The following DLC1 variants were observed in gnomAD, a reference collection of about 807,000 sequenced individuals.
DLC1 encodes rho GTPase-activating protein 7.
A neutral mutation model predicts 140.3 loss-of-function variants in DLC1; 54 were observed. The ratio of observed to expected loss-of-function variants is 0.38; its 90% CI spans 0.31 to 0.48. The LOEUF (loss-of-function observed/expected upper bound fraction) is 0.48, where lower values mean the gene tolerates loss of function less well. Among genes scored for constraint, DLC1 ranks in the 20% least tolerant of loss-of-function variants. DLC1 has a pLI of 0.96. For missense variants in DLC1, 2,536 were observed against 1,907.0 expected (o/e 1.33, Z -6.14); for synonymous variants, 986 against 728.1 (o/e 1.35, Z -5.70).
At chr8:13,461,205 G>T (rs1444234169) in intron 2 of DLC1, among the ~76,000 whole-genome samples, 1 of 152,230 alleles carries the variant, frequency 6.6e-6, no homozygotes, top group Non-Finnish European at 1.5e-5. Flanking sequence ...GCAAGAGCCT[G>T]TCTCAACAGC....
rs576399807 is a variant in DLC1, at chr8:13,469,785, A to G, written c.1023+29264T>C. Among the ~76,000 whole-genome samples the G allele has an allele frequency of 3.3e-5, 5 of 152,322 alleles. No homozygotes were observed. In the South Asian group the frequency reaches 1.0e-3, roughly 32 times the overall value. ...GTTGTTACAATGCCTTTCTAGAAAA[A>G]CATATTGTTTTGCTGAAAGTCTATG... On this transcript the variant is annotated intron_variant, in intron 2 of 17. Coordinates refer to ENST00000276297, the MANE Select transcript of DLC1 (RefSeq NM_182643.3).
intron 2 of DLC1, among the ~76,000 whole-genome samples, chr8:13,492,586 A>T (rs1170837066): frequency 6.6e-6 from 1 of 151,246 alleles, no homozygotes; most frequent in Non-Finnish European, 1.5e-5. Flanking sequence ...ACGTCATTCA[A>T]ACAGAAGCCC....
chr8:13,217,172 T>TA (rs1220572319), intron 5 of DLC1, among the ~76,000 whole-genome samples: 1 of 152,226 alleles, frequency 6.6e-6, no homozygotes. Flanking sequence ...TCAGTTCTCT[T>TA]ACTATTTGTA....
intron 4 of DLC1, among the ~76,000 whole-genome samples, chr8:13,343,135 C>G (rs1387064261): frequency 1.3e-5 from 2 of 152,162 alleles, no homozygotes; most frequent in East Asian, 3.9e-4. Flanking sequence ...TCTATAATTT[C>G]TTTGGCTTGG....
intron 5 of DLC1, among the ~76,000 whole-genome samples, chr8:13,218,156 A>G (rs969900172): frequency 2.6e-5 from 4 of 152,206 alleles, no homozygotes; most frequent in African/African-American, 9.7e-5. Context: ...AGTCTCTTCA[A>G]CAAATGGTGC....
intron 5 of DLC1, among the ~76,000 whole-genome samples, chr8:13,280,600 T>A (rs1224917031): frequency 2.0e-5 from 3 of 152,178 alleles, no homozygotes; most frequent in African/African-American, 7.2e-5. Flanking sequence ...GCAAACAAAA[T>A]TTTTAATTTT....
chr8:13,550,385 AT>A (rs1233243232), intron 1 of DLC1, among the ~76,000 whole-genome samples: 2 of 152,080 alleles, frequency 1.3e-5, no homozygotes, highest in African/African-American at 2.4e-5. Context: ...CTGTAAGTCA[AT>A]TGTACTTCTC....
rs193092408 is a variant in DLC1 at position 13,343,923 on chromosome 8, T to G, written c.1315-38621A>C. 2.6e-5 allele frequency among the ~76,000 whole-genome samples: 4 copies of G among 152,256 alleles called. No individual in the cohort carries two copies. The East Asian group carries it at 7.7e-4, about 29-fold the overall frequency. ...TTTAGGGACCCAAATTTGAAATACT[T>G]AGTTGCTTAAGTTTCCAGAATCAAG... is the stretch of plus-strand genomic sequence containing the variant. On this transcript the variant is annotated intron_variant, in intron 4 of 17. Coordinates refer to ENST00000276297, the MANE Select transcript of DLC1 (RefSeq NM_182643.3).
intron 4 of DLC1, among the ~76,000 whole-genome samples, chr8:13,389,611 T>C (rs1463261867): frequency 7.2e-6 from 1 of 138,322 alleles, no homozygotes; most frequent in Non-Finnish European, 1.6e-5. Flanking sequence ...TACTGCTTAA[T>C]TTTCAGCATG....
chr8:13,387,748 A>C (rs940053722), intron 4 of DLC1, among the ~76,000 whole-genome samples: 1 of 152,118 alleles, frequency 6.6e-6, no homozygotes, highest in African/African-American at 2.4e-5. Context: ...ACATATACCT[A>C]AAGTATAGCC....
chr8:13,176,554 G>A (rs1351308868), intron 5 of DLC1, among the ~76,000 whole-genome samples: 1 of 152,110 alleles, frequency 6.6e-6, no homozygotes, highest in African/African-American at 2.4e-5. Context: ...ACTCCAGCCT[G>A]GGCGACAGAG....
rs543854373 is a variant in DLC1 at position 13,323,906 on chromosome 8, C to T, written c.1315-18604G>A. ...AGAGTGAGAATTTGGAAAGATGCTCCAGCAAGGAGTTAGTGTAAATCAATT... is the reference window on the plus strand; with the variant it reads ...AGAGTGAGAATTTGGAAAGATGCTCTAGCAAGGAGTTAGTGTAAATCAATT... On this transcript the variant is annotated intron_variant, in intron 4 of 17. Coordinates refer to ENST00000276297, the MANE Select transcript of DLC1 (RefSeq NM_182643.3). 1.3e-3 allele frequency among the ~76,000 whole-genome samples: 204 copies of T among 152,264 alleles called. 2 individuals are homozygous for T. The highest frequency in any genetic ancestry group is 4.8e-3 in the African/African-American group (200 of 41,560).
chr8:13,370,639 G>A (rs995664619), intron 4 of DLC1, among the ~76,000 whole-genome samples: 8 of 152,230 alleles, frequency 5.3e-5, no homozygotes, highest in Non-Finnish European at 4.4e-5. Flanking sequence ...GGCTTCAGGT[G>A]TGGCTGAAAT....
chr8:13,521,450 C>T (rs1802764799), intron 1 of DLC1, among the ~76,000 whole-genome samples: 2 of 152,040 alleles, frequency 1.3e-5, no homozygotes, highest in South Asian at 4.1e-4. Flanking sequence ...GCTTAGAGCC[C>T]ACAGTCTTCA....
Position 13,095,051 on chromosome 8 carries a change from C to T in DLC1, c.3327+35G>A, listed in dbSNP as rs372691679. On this transcript the variant is annotated intron_variant, in intron 11 of 17. Coordinates refer to ENST00000276297, the MANE Select transcript of DLC1 (RefSeq NM_182643.3). ...AAGAAGCTGCATGTAATCCGAGCTCCCCTGAGTACGTGGACCCGCAGGCAG... is the reference window on the plus strand; with the variant it reads ...AAGAAGCTGCATGTAATCCGAGCTCTCCTGAGTACGTGGACCCGCAGGCAG... 15 of 1,613,612 alleles carry T rather than the reference C, an allele frequency of 9.3e-6. No homozygotes were observed. In the African/African-American group the frequency reaches 1.7e-4, roughly 19 times the overall value.
Position 13,143,043 on chromosome 8 carries a change from C to CAA in DLC1, c.1349-27388_1349-27387dup, listed in dbSNP as rs552138951. Among the ~76,000 whole-genome samples the CAA allele has an allele frequency of 2.3e-3, 285 of 121,378 alleles. 2 individuals carry two copies. Among genetic ancestry groups the CAA allele is most frequent in the African/African-American group, 3.0e-3 (98 of 32,732 alleles). 79.6% of individuals were successfully genotyped at this position (121,378 alleles called of 152,430 possible). ...GGGCAACAAAAGTGAAACTCCGTCT[C>CAA]AAAAAAAAAAAAAAAGGCAGAATTA... On this transcript the variant is annotated intron_variant, in intron 5 of 17. Coordinates refer to ENST00000276297, the MANE Select transcript of DLC1 (RefSeq NM_182643.3).
chr8:13,371,058 T>C (rs894039464), intron 4 of DLC1, among the ~76,000 whole-genome samples: 9 of 152,308 alleles, frequency 5.9e-5, no homozygotes, highest in Admixed American at 5.2e-4. Context: ...ATTTGGGTTG[T>C]TTTCAGATCA....
At chr8:13,193,817 C>T (rs755672946) in intron 5 of DLC1, among the ~76,000 whole-genome samples, 2 of 152,140 alleles carry the variant, frequency 1.3e-5, no homozygotes, top group Non-Finnish European at 2.9e-5. Context: ...AGGTGGAAAT[C>T]TGCCAGTACT....
At chr8:13,295,554 T>C (rs1416069887) in intron 5 of DLC1, among the ~76,000 whole-genome samples, 1 of 152,228 alleles carries the variant, frequency 6.6e-6, no homozygotes, top group East Asian at 1.9e-4. Flanking sequence ...GGTTTCCTAC[T>C]TTGATAAAAC....
Sources: gnomAD v4.1 joint callset for allele counts (sites outside exome capture counted in the v4.1 genomes callset) on GRCh38, gnomAD v4.1.1 for gene constraint, MANE v1.5 for transcripts, NCBI Gene and HGNC (gene_info 2026-07-23, HGNC 2026-07-21) for gene names.